The following POLE2 variants were observed in gnomAD, a reference collection of about 807,000 sequenced individuals.
POLE2 encodes the protein DNA polymerase epsilon 2, accessory subunit, also known as DNA polymerase epsilon subunit 2.
A neutral mutation model predicts 79.4 loss-of-function variants in POLE2; 56 were observed. The ratio of observed to expected loss-of-function variants is 0.71; its 90% confidence interval spans 0.57 to 0.88. POLE2 has a LOEUF of 0.88. Ranked by LOEUF, POLE2 falls within the 40% of genes least tolerant of loss-of-function variation. The probability of loss-of-function intolerance (pLI) is 0.00; values close to 1 mark genes in which losing one functional copy is unlikely to be tolerated. For synonymous variants in POLE2, 212 were observed against 214.0 expected (o/e 0.99, Z 0.08); for missense variants, 598 against 638.9 (o/e 0.94, Z 0.69).
intron 5 of POLE2, among the ~76,000 whole-genome samples, chr14:49,672,619 C>T (rs749699123): frequency 8.5e-5 from 13 of 152,050 alleles, no homozygotes; most frequent in Non-Finnish European, 1.6e-4. Context: ...CCTGCCTCAG[C>T]CTCCCAAGTA....
chr14:49,657,106 T>A (rs896782408), intron 10 of POLE2, among the ~76,000 whole-genome samples: 1 of 137,010 alleles, frequency 7.3e-6, no homozygotes, highest in Non-Finnish European at 1.6e-5. Context: ...AAGCAAGATT[T>A]TGCCTCAAAA....
At chr14:49,679,287 C>T (rs879637560) in intron 3 of POLE2, among the ~76,000 whole-genome samples, 2 of 152,156 alleles carry the variant, frequency 1.3e-5, no homozygotes, top group Non-Finnish European at 2.9e-5. Context: ...AACCTAAAAA[C>T]ATGACATAGT....
Position 49,663,327 on chromosome 14 carries a change from G to C in POLE2, c.743C>G (p.Ser248Cys). The change falls in exon 10 of 19, where the codon TCT (serine) becomes TGT (cysteine). Residue 248 changes from serine (S) to cysteine (C), a missense_variant. Transcript: ENST00000216367. ...AACATTTTAATACCTAGTAGTACTA[G>C]AGGGCTCAGTGGGTGGAAATCCAAA... ...NAFGFPPTEP[S>C]STTRAYYGNI... 1 of 1,599,938 alleles carries C rather than the reference G, an allele frequency of 6.3e-7. No homozygotes were observed. Among genetic ancestry groups the C allele is most frequent in the Non-Finnish European group, 8.6e-7 (1 of 1,169,178 alleles).
At chr14:49,676,031 C>T (rs1594607479) in intron 3 of POLE2, among the ~76,000 whole-genome samples, 1 of 152,184 alleles carries the variant, frequency 6.6e-6, no homozygotes, top group Non-Finnish European at 1.5e-5. Context: ...GGATTACAGG[C>T]CTGAGCCACC....
chr14:49,682,640 G>GGAAAAAAAAAAAAAAAA (rs1373991966), intron 2 of POLE2, among the ~76,000 whole-genome samples: 33 of 60,976 alleles, frequency 5.4e-4, no homozygotes, highest in African/African-American at 1.9e-3. Flanking sequence ...CCTTCTCAGG[G>GGAAAAAAAAAAAAAAAA]AAAAAAAAAA....
intron 17 of POLE2, 59 bp downstream of exon 17, chr14:49,650,206 T>TA (rs760497679): frequency 2.3e-6 from 2 of 878,132 alleles, no homozygotes; most frequent in Admixed American, 3.0e-5. Flanking sequence ...ATTTTTAAAT[T>TA]AAAAAATGCA....
intron 3 of POLE2, among the ~76,000 whole-genome samples, chr14:49,676,060 A>G (rs954403781): frequency 9.9e-5 from 15 of 152,134 alleles, no homozygotes; most frequent in Non-Finnish European, 1.8e-4. Context: ...CCAAATCTAA[A>G]ATGTTATGCA....
chr14:49,667,360 G>A (rs575983293), intron 6 of POLE2, among the ~76,000 whole-genome samples: 32 of 152,042 alleles, frequency 2.1e-4, no homozygotes, highest in Middle Eastern at 3.4e-3. Context: ...AATATTATCT[G>A]AGACATCTTT....
intron 6 of POLE2, among the ~76,000 whole-genome samples, chr14:49,668,096 AC>A (rs1409018394): frequency 2.6e-5 from 4 of 151,958 alleles, no homozygotes; most frequent in Non-Finnish European, 4.4e-5. Flanking sequence ...ACATGGCAAA[AC>A]CCCATCTCTA....
rs1186108856 is a variant in POLE2, at chr14:49,655,789, C to T, written c.810G>A (p.Lys270=). ...CTAGCTGTTTTAGTTTTGCAGAAGT[C>T]TTCACAGATGTATTAGAAGGACCTC... ...FFGGPSNTSV[K]TSAKLKQLEE... Residue 270 remains lysine, a synonymous_variant, in exon 11 of 19, where the codon AAG becomes AAA. Transcript: ENST00000216367. The T allele has an allele frequency of 6.2e-7, 1 of 1,600,416 alleles. No individual in the cohort carries two copies. The highest frequency in any genetic ancestry group is 8.6e-7 in the Non-Finnish European group (1 of 1,169,058).
intron 5 of POLE2, among the ~76,000 whole-genome samples, chr14:49,672,268 C>G (rs991746784): frequency 5.9e-5 from 9 of 152,256 alleles, no homozygotes; most frequent in Admixed American, 5.9e-4. Context: ...AGTGAATTTC[C>G]TTGAAAGACT....
chr14:49,643,988 T>C (rs1433888459), intron 18 of POLE2, among the ~76,000 whole-genome samples: 3 of 148,404 alleles, frequency 2.0e-5, no homozygotes, highest in Non-Finnish European at 4.5e-5. Flanking sequence ...CGAGTGATTC[T>C]CCTGCCTCAG....
intron 10 of POLE2, among the ~76,000 whole-genome samples, chr14:49,657,455 C>A (rs550155940): frequency 6.8e-6 from 1 of 147,014 alleles, no homozygotes; most frequent in Admixed American, 6.8e-5. Context: ...TTTTTTTTGA[C>A]GGAGTCTCAT....
intron 11 of POLE2, among the ~76,000 whole-genome samples, chr14:49,655,458 A>AAC (rs35575577): frequency 0.064 from 9,145 of 143,410 alleles, 380 homozygotes; most frequent in African/African-American, 0.13. Context: ...CATGACTATA[A>AAC]ACACACACAC....
At chr14:49,654,904 T>C in intron 12 of POLE2, 66 bp from the exon 13 acceptor site, 1 of 1,431,024 alleles carries the variant, frequency 7.0e-7, no homozygotes, top group Non-Finnish European at 9.3e-7. Context: ...TTTGATTAGA[T>C]ACAATCCTGT....
At chr14:49,665,282 A>G in intron 7 of POLE2, 119 bp from the exon 8 acceptor site, 1 of 614,586 alleles carries the variant, frequency 1.6e-6, no homozygotes, top group East Asian at 2.9e-5. Flanking sequence ...TTTAAAAATC[A>G]GCTATTATTT....
At chr14:49,668,586 G>C (rs1453537044) in intron 6 of POLE2, among the ~76,000 whole-genome samples, 1 of 152,136 alleles carries the variant, frequency 6.6e-6, no homozygotes. Flanking sequence ...TAGGGAATGT[G>C]CCATCACAGA....
chr14:49,663,333 T>C lies in POLE2; in HGVS notation c.737A>G (p.Glu246Gly). The change falls in exon 10 of 19, where the codon GAG becomes GGG. Residue 246 changes from glutamate (E) to glycine (G), a missense_variant. Physicochemically the swap from Glu to Gly is moderately conservative, Grantham distance 98. Transcript: ENST00000216367. ...TTAATACCTAGTAGTACTAGAGGGC[T>C]CAGTGGGTGGAAATCCAAAGGCATT... ...HVNAFGFPPT[E>G]PSSTTRAYYG... 1 of 1,605,138 alleles carries C rather than the reference T, an allele frequency of 6.2e-7. No individual in the cohort carries two copies. The highest frequency in any genetic ancestry group is 8.5e-7 in the Non-Finnish European group (1 of 1,173,242).
Position 49,688,187 on chromosome 14 carries a change from A to C in POLE2, c.17T>G (p.Leu6Arg). Residue 6 changes from leucine to arginine, a missense_variant, in exon 1 of 19, where the codon CTG (leucine) becomes CGG (arginine). Coordinates refer to ENST00000216367, the MANE Select transcript of POLE2 (RefSeq NM_002692.4). Reference protein sequence around the residue: MAPERLRSRALSAFKL... With the variant: MAPERRRSRALSAFKL... ...GAAGGCGGAGAGCGCCCGGCTCCGC[A>C]GCCGCTCCGGCGCCATATTTGCGAT... 1.3e-6 allele frequency: 2 copies of C among 1,537,546 alleles called. No homozygotes were observed. Among genetic ancestry groups the C allele is most frequent in the Non-Finnish European group, 1.7e-6 (2 of 1,143,856 alleles).
Sources: gnomAD v4.1 joint callset for allele counts (sites outside exome capture counted in the v4.1 genomes callset) on GRCh38, gnomAD v4.1.1 for gene constraint, MANE v1.5 for transcripts, NCBI Gene and HGNC (gene_info 2026-07-23, HGNC 2026-07-21) for gene names.